GLI3: variants seen among roughly 807,000 people sequenced by gnomAD.
GLI3 encodes the protein GLI family zinc finger 3.
Under a neutral mutation model 100.8 loss-of-function variants are expected in GLI3, and 20 were observed. The observed-to-expected ratio is 0.20, with a 90% CI of 0.14 to 0.29. GLI3 has a LOEUF of 0.29. GLI3 is among the 10% of genes least tolerant of loss of function. GLI3 has a pLI of 1.00. For synonymous variants in GLI3, 938 were observed against 860.5 expected (o/e 1.09, Z -1.58); for missense variants, 2,040 against 2,128.5 (o/e 0.96, Z 0.82).
chr7:42,067,984 C>A (rs981633459), intron 4 of GLI3, among the ~76,000 whole-genome samples: 2 of 152,180 alleles, frequency 1.3e-5, no homozygotes, highest in African/African-American at 4.8e-5. Context: ...GCTGCACATG[C>A]CAAAATATTA....
At chr7:42,078,643 C>CT (rs1280480153) in intron 3 of GLI3, among the ~76,000 whole-genome samples, 8 of 151,686 alleles carry the variant, frequency 5.3e-5, no homozygotes, top group Admixed American at 5.2e-4. Flanking sequence ...TCTTGTATCA[C>CT]TGTCACTGTA....
In GLI3 at chr7:42,025,356, C is replaced by A. The variant is rs764322751; in HGVS notation, c.1264G>T (p.Ala422Ser). Residue 422 changes from alanine to serine, a missense_variant, in exon 9 of 15, where the codon GCA (alanine) becomes TCA (serine). By Grantham distance (99) the Ala-to-Ser change is moderately conservative. Around this residue, in one of 5 missense-constraint regions of GLI3, gnomAD observed 603 missense variants for 690.9 expected, o/e 0.87. Coordinates refer to ENST00000395925, the MANE Select transcript of GLI3 (RefSeq NM_000168.6). ...ATCGGGTCACCAGTGCTGCTCACTG[C>A]AGACTCACTCGTGGGCTTGTTCTGC... ...SSQNKPTSES[A>S]VSSTGDPMHN... 3 of 1,613,728 alleles carry A rather than the reference C, an allele frequency of 1.9e-6. No individual in the cohort carries two copies. The East Asian group carries it at 6.7e-5, about 36-fold the overall frequency.
At chr7:42,005,414 A>T (rs1788427376) in intron 10 of GLI3, among the ~76,000 whole-genome samples, 4 of 151,440 alleles carry the variant, frequency 2.6e-5, no homozygotes, top group Non-Finnish European at 5.9e-5. Context: ...GATGTGGTGC[A>T]AAGTGCTTAA....
chr7:42,003,847 G>A (rs1788377983), intron 10 of GLI3, among the ~76,000 whole-genome samples: 1 of 152,136 alleles, frequency 6.6e-6, no homozygotes, highest in African/African-American at 2.4e-5. Flanking sequence ...ATCTAGCCAT[G>A]TCTCTGGTAT....
chr7:42,078,669 A>G (rs140031849), intron 3 of GLI3, among the ~76,000 whole-genome samples: 56 of 152,206 alleles, frequency 3.7e-4, no homozygotes, highest in Admixed American at 5.9e-4. Context: ...GTGATATACA[A>G]CAATGCTGAA....
chr7:42,240,449 A>G (rs1014718522), upstream of GLI3, among the ~76,000 whole-genome samples: 3 of 152,274 alleles, frequency 2.0e-5, no homozygotes, highest in African/African-American at 7.2e-5. Context: ...GAAGTCCAAA[A>G]GTAAGGTGTC....
At chr7:42,234,523 T>C (rs2128706695) in intron 1 of GLI3, among the ~76,000 whole-genome samples, 1 of 152,336 alleles carries the variant, frequency 6.6e-6, no homozygotes, top group South Asian at 2.1e-4. Flanking sequence ...TTCATCAGTA[T>C]TGAATTTTCT....
chr7:42,148,135 GCACACACACACACACACACACACACA>G (rs34148485), intron 3 of GLI3, 65 bp downstream of exon 3: 5 of 867,448 alleles, frequency 5.8e-6, no homozygotes, highest in Admixed American at 6.0e-5. Context: ...CATAAAGCGC[GCACACACACACACACACACACACACA>G]CACACACACA....
rs1313574659 is a variant in GLI3, at chr7:41,961,733, T to C, written c.*2597A>G. On this transcript the variant is annotated 3_prime_UTR_variant, in exon 15 of 15. Coordinates refer to ENST00000395925, the MANE Select transcript of GLI3 (RefSeq NM_000168.6). ...TGGGGGTGAGTCTCAAGATATGAGATGCCTAGCCTACAGAGATCCCAAAAG... is the reference window on the plus strand; with the variant it reads ...TGGGGGTGAGTCTCAAGATATGAGACGCCTAGCCTACAGAGATCCCAAAAG... 1 of 152,106 alleles carries C rather than the reference T, an allele frequency of 6.6e-6. No individual in the cohort carries two copies. The highest frequency in any genetic ancestry group is 1.9e-4 in the East Asian group (1 of 5,192). 9.4% of individuals were successfully genotyped at this position (152,106 alleles called of 1,614,324 possible).
At chr7:42,178,909 C>T (rs10268259) in intron 2 of GLI3, among the ~76,000 whole-genome samples, 34,028 of 151,908 alleles carry the variant, frequency 0.22, 5,555 homozygotes, top group African/African-American at 0.46. Flanking sequence ...ATGAGCGAGT[C>T]AGGAGAACAG....
At chr7:42,217,303 T>TCA (rs1788397507) in intron 2 of GLI3, among the ~76,000 whole-genome samples, 1 of 151,976 alleles carries the variant, frequency 6.6e-6, no homozygotes, top group Non-Finnish European at 1.5e-5. Flanking sequence ...ACAGGAAAGG[T>TCA]GATATACTTA....
intron 2 of GLI3, among the ~76,000 whole-genome samples, chr7:42,183,031 G>C (rs1787648782): frequency 6.6e-6 from 1 of 151,988 alleles, no homozygotes; most frequent in African/African-American, 2.4e-5. Context: ...GACCAGTCTG[G>C]TCAACGTGGT....
At chr7:42,206,886 A>G (rs561871055) in intron 2 of GLI3, among the ~76,000 whole-genome samples, 1 of 152,194 alleles carries the variant, frequency 6.6e-6, no homozygotes, top group South Asian at 2.1e-4. Flanking sequence ...AAAATTTTTT[A>G]AAAAAGAGAC....
intron 2 of GLI3, among the ~76,000 whole-genome samples, chr7:42,205,588 C>A (rs1163388156): frequency 6.6e-6 from 1 of 152,108 alleles, no homozygotes; most frequent in Non-Finnish European, 1.5e-5. Flanking sequence ...TTTTCCTGAG[C>A]CAATATAAGA....
chr7:42,205,464 G>A (rs1016682297), intron 2 of GLI3, among the ~76,000 whole-genome samples: 3 of 152,186 alleles, frequency 2.0e-5, no homozygotes, highest in African/African-American at 7.2e-5. Flanking sequence ...GGCACTGACA[G>A]ATTTCAGAAG....
chr7:42,026,417 AC>A lies in GLI3; in HGVS notation c.1029-6del. 1 of 1,612,134 alleles carries A rather than the reference AC, an allele frequency of 6.2e-7. No individual in the cohort carries two copies. Among genetic ancestry groups the A allele is most frequent in the East Asian group, 2.2e-5 (1 of 44,868 alleles). On this transcript the variant is annotated splice_region_variant and splice_polypyrimidine_tract_variant and intron_variant, in intron 7 of 14. Transcript: ENST00000395925. ...TAGGTGAAGCTCAAGGCAGGGCTGC[AC>A]GGGGGAGATAAAAAAAGACGATCAT...
At chr7:42,194,648 T>C (rs1234700840) in intron 2 of GLI3, among the ~76,000 whole-genome samples, 1 of 152,026 alleles carries the variant, frequency 6.6e-6, no homozygotes, top group Non-Finnish European at 1.5e-5. Flanking sequence ...AAGCCCTAGC[T>C]AGAGAACCAG....
chr7:42,039,417 T>C (rs1457270697), intron 7 of GLI3, among the ~76,000 whole-genome samples: 1 of 152,246 alleles, frequency 6.6e-6, no homozygotes, highest in African/African-American at 2.4e-5. Context: ...CAAGGAACTA[T>C]CCACGGTTAA....
intron 10 of GLI3, among the ~76,000 whole-genome samples, chr7:42,022,321 G>A (rs1159241868): frequency 1.3e-5 from 2 of 152,152 alleles, no homozygotes; most frequent in African/African-American, 4.8e-5. Flanking sequence ...AGTTGCAAGA[G>A]ACACACATTA....
Sources: allele counts gnomAD v4.1 joint callset (sites outside exome capture counted in the v4.1 genomes callset), GRCh38; gene constraint gnomAD v4.1.1; regional missense constraint gnomAD v4.1.1; transcripts MANE v1.5; gene names NCBI Gene and HGNC (gene_info 2026-07-23, HGNC 2026-07-21).